Variants in ACYP2 observed in about 807,000 individuals in gnomAD.
ACYP2 encodes the protein acylphosphatase 2, also known as acylphosphatase-2.
Under a neutral mutation model 11.2 loss-of-function variants are expected in ACYP2, and 12 were observed. The observed-to-expected ratio is 1.08, with a 90% CI of 0.69 to 1.74. ACYP2 has a LOEUF of 1.74. ACYP2 is among the 40% of genes most tolerant of loss of function. The pLI is 0.00. For missense variants in ACYP2, 134 were observed against 101.9 expected, an observed-to-expected ratio of 1.31 and a Z score of -1.35; for synonymous variants, 43 against 32.2, an observed-to-expected ratio of 1.33 and a Z score of -1.13.
intron 6 of ACYP2, among the ~76,000 whole-genome samples, chr2:54,292,706 ACACG>A (rs915514364): frequency 3.7e-5 from 5 of 136,086 alleles, no homozygotes; most frequent in Non-Finnish European, 6.5e-5. Flanking sequence ...ACACACACAC[ACACG>A]TGTATGTATC....
chr2:54,060,792 G>T lies in ACYP2; in HGVS notation c.277+3432G>T, dbSNP rs75102628. 3.3e-5 allele frequency among the ~76,000 whole-genome samples: 5 copies of T among 152,210 alleles called. No individual in the cohort carries two copies. In the East Asian group the frequency reaches 5.8e-4, roughly 18 times the overall value. ...TGAATGCCTGCAGAGTAAAGTGCTT[G>T]GCTGCTTCTTGGGATCCACTGCTTT... On this transcript the variant is annotated intron_variant, in intron 4 of 6. Coordinates refer to ENST00000607452, the MANE Select transcript of ACYP2 (RefSeq NM_001320586.2).
rs545862974 is a variant in ACYP2, at chr2:54,222,753, G to A, written c.405-81935G>A. Among the ~76,000 whole-genome samples the A allele has an allele frequency of 4.6e-5, 7 of 151,934 alleles. No individual in the cohort carries two copies. In the East Asian group the frequency reaches 7.7e-4, roughly 17 times the overall value. The stretch of plus-strand genomic sequence containing the variant: ...TCCGTACAATTTCTACTAATTCCCC[G>A]GCCTTACAGTCATGTGGTCCCCTTC... On this transcript the variant is annotated intron_variant, in intron 6 of 6. Transcript: ENST00000607452.
chr2:53,981,338 G>C (rs1671754724), intron 2 of ACYP2, among the ~76,000 whole-genome samples: 1 of 152,170 alleles, frequency 6.6e-6, no homozygotes, highest in Admixed American at 6.5e-5. Context: ...CACAGGGTGG[G>C]AGTGGGCTGA....
intron 2 of ACYP2, among the ~76,000 whole-genome samples, chr2:53,977,940 C>T (rs1016293599): frequency 6.6e-6 from 1 of 152,008 alleles, no homozygotes; most frequent in Non-Finnish European, 1.5e-5. Context: ...GCTGAGGCTG[C>T]CACATCTAGA....
chr2:54,158,201 T>G (rs1306553510), intron 6 of ACYP2, among the ~76,000 whole-genome samples: 1 of 150,264 alleles, frequency 6.7e-6, no homozygotes, highest in Non-Finnish European at 1.5e-5. Context: ...AACTTTGTTT[T>G]TTTTTTTTTT....
chr2:54,200,966 C>T (rs910154562), intron 6 of ACYP2, among the ~76,000 whole-genome samples: 9 of 152,132 alleles, frequency 5.9e-5, no homozygotes, highest in African/African-American at 1.9e-4. Flanking sequence ...TAAGTGGTAT[C>T]TCATTATGGT....
intron 6 of ACYP2, among the ~76,000 whole-genome samples, chr2:54,204,770 T>C (rs1366943532): frequency 6.6e-6 from 1 of 152,224 alleles, no homozygotes; most frequent in African/African-American, 2.4e-5. Context: ...CTTTTCTCTC[T>C]TGCTGGAAAT....
chr2:53,989,360 G>T (rs1672178388), intron 2 of ACYP2, among the ~76,000 whole-genome samples: 1 of 149,962 alleles, frequency 6.7e-6, no homozygotes, highest in Non-Finnish European at 1.5e-5. Flanking sequence ...AAAGTGCTAG[G>T]ATTATAGGCA....
chr2:54,255,255 T>C (rs780452542), intron 6 of ACYP2: 2 of 1,614,180 alleles, frequency 1.2e-6, no homozygotes, highest in Non-Finnish European at 1.7e-6. Context: ...AAGGGTTTCT[T>C]TGAAAGAAGA....
In ACYP2 at chr2:54,238,390, T is replaced by C. The variant is rs551797290; in HGVS notation, c.405-66298T>C. Among the ~76,000 whole-genome samples, 25 of 152,268 alleles carry C rather than the reference T, an allele frequency of 1.6e-4. No individual in the cohort carries two copies. The East Asian group carries it at 4.6e-3, about 28-fold the overall frequency. On this transcript the variant is annotated intron_variant, in intron 6 of 6. Transcript: ENST00000607452. Reference sequence around the variant, plus strand: ...TTAGAGTAAATGTTCAATAAATATTTGTAGGAGAATGAATGAATGATTAAT... The same window carrying C: ...TTAGAGTAAATGTTCAATAAATATTCGTAGGAGAATGAATGAATGATTAAT...
chr2:54,133,373 A>G (rs1681034628), intron 4 of ACYP2, among the ~76,000 whole-genome samples: 1 of 151,778 alleles, frequency 6.6e-6, no homozygotes, highest in Non-Finnish European at 1.5e-5. Context: ...TTGTTTATCT[A>G]TTCCCAATGT....
At chr2:54,230,389 T>A (rs1686180371) in intron 6 of ACYP2, among the ~76,000 whole-genome samples, 1 of 152,136 alleles carries the variant, frequency 6.6e-6, no homozygotes, top group Admixed American at 6.5e-5. Context: ...GGAGTTTTGC[T>A]CTTGTTGCCC....
At chr2:54,260,213 A>G (rs148087214) in intron 6 of ACYP2, among the ~76,000 whole-genome samples, 258 of 152,178 alleles carry the variant, frequency 1.7e-3, no homozygotes, top group African/African-American at 6.0e-3. Flanking sequence ...AGATTTATGA[A>G]ATCGTCTTCT....
chr2:54,025,884 G>A (rs557592113), intron 2 of ACYP2, among the ~76,000 whole-genome samples: 1 of 152,060 alleles, frequency 6.6e-6, no homozygotes, highest in South Asian at 2.1e-4. Context: ...TGAGGCTGAG[G>A]TCAGGAATTT....
chr2:54,125,848 G>A (rs919807341), intron 4 of ACYP2, among the ~76,000 whole-genome samples: 49 of 152,264 alleles, frequency 3.2e-4, no homozygotes, highest in East Asian at 1.5e-3. Flanking sequence ...TTGGGGGGCC[G>A]AGGTGGGCAA....
At chr2:54,154,594 G>T (rs1018419888) in intron 6 of ACYP2, among the ~76,000 whole-genome samples, 33 of 152,244 alleles carry the variant, frequency 2.2e-4, no homozygotes, top group African/African-American at 7.5e-4. Context: ...TGCATGTGTT[G>T]AATCATCTTT....
At chr2:54,100,448 G>C (rs538154250) in intron 4 of ACYP2, among the ~76,000 whole-genome samples, 22 of 151,688 alleles carry the variant, frequency 1.5e-4, no homozygotes, top group African/African-American at 5.3e-4. Flanking sequence ...GACCACAGCT[G>C]TGCCCCACCA....
In ACYP2 at chr2:54,021,619, G is replaced by C. The variant is rs541613227; in HGVS notation, c.63-29339G>C. On this transcript the variant is annotated intron_variant, in intron 2 of 6. Coordinates refer to ENST00000607452, the MANE Select transcript of ACYP2 (RefSeq NM_001320586.2). ...TAAAAGGCTCTGAAGCGCAAAAGTGGGGTTCCCAGAAATGTCCAAGCCACA... is the reference window on the plus strand; with the variant it reads ...TAAAAGGCTCTGAAGCGCAAAAGTGCGGTTCCCAGAAATGTCCAAGCCACA... 2.6e-5 allele frequency among the ~76,000 whole-genome samples: 4 copies of C among 152,232 alleles called. No homozygotes were observed. In the East Asian group the frequency reaches 7.7e-4, roughly 29 times the overall value.
At chr2:54,273,215 A>G (rs1688393318) in intron 6 of ACYP2, among the ~76,000 whole-genome samples, 1 of 152,212 alleles carries the variant, frequency 6.6e-6, no homozygotes, top group South Asian at 2.1e-4. Flanking sequence ...ACATGCATTA[A>G]CATTTCTGTT....
Sources: allele counts gnomAD v4.1 joint callset (sites outside exome capture counted in the v4.1 genomes callset), GRCh38; gene constraint gnomAD v4.1.1; transcripts MANE v1.5; gene names NCBI Gene and HGNC (gene_info 2026-07-23, HGNC 2026-07-21).